DNAH12: variants seen among roughly 807,000 people sequenced by gnomAD.
The protein encoded by DNAH12 is dynein axonemal heavy chain 12, also known as axonemal beta dynein heavy chain 12.
Under a neutral mutation model 371.5 loss-of-function variants are expected in DNAH12, and 285 were observed. The ratio of observed to expected loss-of-function variants is 0.77; its 90% CI spans 0.70 to 0.85. DNAH12 has a LOEUF of 0.85. Among genes scored for constraint, DNAH12 ranks in the 40% least tolerant of loss-of-function variants. DNAH12 has a pLI of 0.00. For synonymous variants in DNAH12, 1,200 were observed against 1,213.0 expected, an observed-to-expected ratio of 0.99 and a Z score of 0.22; for missense variants, 3,611 against 3,689.4, an observed-to-expected ratio of 0.98 and a Z score of 0.55.
intron 45 of DNAH12, among the ~76,000 whole-genome samples, chr3:57,389,822 G>GTGTGTGTGTGTGTA (rs1326306277): frequency 2.2e-5 from 1 of 45,862 alleles, no homozygotes; most frequent in African/African-American, 4.4e-5. Flanking sequence ...GTGTGTGTGT[G>GTGTGTGTGTGTGTA]TATATATATA....
In DNAH12 at chr3:57,504,554, C is replaced by T. The variant is rs138931561; in HGVS notation, c.898-350G>A. Among the ~76,000 whole-genome samples, 669 of 151,646 alleles carry T rather than the reference C, an allele frequency of 4.4e-3. 7 individuals are homozygous for T. Among genetic ancestry groups the T allele is most frequent in the African/African-American group, 0.015 (638 of 41,372 alleles). On this transcript the variant is annotated intron_variant, in intron 8 of 73. Transcript: ENST00000495027. ...GCCTCCTGAGTAGCTGGGACTACGG[C>T]GCGTGCCACCACACCCAGCTAATCA...
intron 30 of DNAH12, among the ~76,000 whole-genome samples, chr3:57,436,169 A>C (rs72869816): frequency 2.0e-5 from 3 of 152,054 alleles, no homozygotes; most frequent in African/African-American, 7.2e-5. Flanking sequence ...TGGCTCTCTA[A>C]GTAAATATAA....
upstream of DNAH12, among the ~76,000 whole-genome samples, chr3:57,548,324 G>A (rs2069594518): frequency 6.6e-6 from 1 of 152,150 alleles, no homozygotes; most frequent in Non-Finnish European, 1.5e-5. Context: ...GATAACCTAA[G>A]GTTAGTTTGA....
chr3:57,504,209 G>A lies in DNAH12; in HGVS notation c.898-5C>T, dbSNP rs759721560. On this transcript the variant is annotated splice_region_variant and splice_polypyrimidine_tract_variant and intron_variant, in intron 8 of 73. Coordinates refer to ENST00000495027, the MANE Select transcript of DNAH12 (RefSeq NM_001366028.2). ...TCTCCTTAATAGATCCTTTAGCTGC[G>A]TGATATAAATCACTGTTACTTTAGA... is the stretch of plus-strand genomic sequence containing the variant. 7.5e-6 allele frequency: 12 copies of A among 1,600,310 alleles called. No homozygotes were observed. Among genetic ancestry groups the A allele is most frequent in the East Asian group, 2.2e-5 (1 of 44,682 alleles).
chr3:57,426,575 A>G (rs1294444322), intron 34 of DNAH12, among the ~76,000 whole-genome samples: 1 of 152,122 alleles, frequency 6.6e-6, no homozygotes, highest in African/African-American at 2.4e-5. Context: ...CATGCCTGTA[A>G]TCCCAGCACT....
chr3:57,327,968 G>T (rs2061991591), intron 62 of DNAH12, among the ~76,000 whole-genome samples: 1 of 151,828 alleles, frequency 6.6e-6, no homozygotes, highest in Non-Finnish European at 1.5e-5. Context: ...TAGAAGAAAT[G>T]GATAAATTCC....
chr3:57,510,662 GA>G (rs920751556), intron 5 of DNAH12, 127 bp downstream of exon 5: 5 of 842,822 alleles, frequency 5.9e-6, no homozygotes, highest in Non-Finnish European at 9.1e-6. Flanking sequence ...AAGAAAAGAA[GA>G]AAAAAACCAG....
chr3:57,388,455 CA>C (rs1409727392), intron 45 of DNAH12, among the ~76,000 whole-genome samples: 2 of 151,136 alleles, frequency 1.3e-5, no homozygotes, highest in Non-Finnish European at 1.5e-5. Context: ...ATTTTAAGAC[CA>C]TTTTTTTTTT....
intron 45 of DNAH12, among the ~76,000 whole-genome samples, chr3:57,391,420 T>C (rs2063620737): frequency 6.6e-6 from 1 of 152,316 alleles, no homozygotes; most frequent in East Asian, 1.9e-4. Flanking sequence ...AGACTGGAAC[T>C]ACATCACTGG....
At chr3:57,490,748 A>G (rs181164925) in intron 11 of DNAH12, among the ~76,000 whole-genome samples, 1 of 152,140 alleles carries the variant, frequency 6.6e-6, no homozygotes, top group African/African-American at 2.4e-5. Flanking sequence ...ATAATAATTA[A>G]TTGATTCAAA....
intron 57 of DNAH12, 29 bp downstream of exon 57, chr3:57,366,700 C>CATCT: frequency 6.6e-6 from 1 of 152,226 alleles, no homozygotes; most frequent in African/African-American, 2.4e-5. Flanking sequence ...CTTTTTAAAC[C>CATCT]ATCTAGAAGC....
chr3:57,294,073 T>C, intron 73 of DNAH12, 102 bp from the exon 74 acceptor site: 2 of 989,336 alleles, frequency 2.0e-6, no homozygotes, highest in South Asian at 2.4e-5. Context: ...GAACTAAATC[T>C]AAGATCATAA....
At chr3:57,542,576 A>C in intron 2 of DNAH12, 125 bp downstream of exon 2, 1 of 1,068,308 alleles carries the variant, frequency 9.4e-7, no homozygotes, top group Non-Finnish European at 1.3e-6. Context: ...TTGTTTTTCT[A>C]ATTAACTTGA....
chr3:57,502,978 C>G (rs1399502239), intron 9 of DNAH12, among the ~76,000 whole-genome samples: 1 of 152,196 alleles, frequency 6.6e-6, no homozygotes, highest in Admixed American at 6.5e-5. Context: ...TTGCGCCTGG[C>G]CTATATGTAG....
intron 62 of DNAH12, among the ~76,000 whole-genome samples, chr3:57,327,015 C>G (rs1198283971): frequency 6.6e-6 from 1 of 151,622 alleles, no homozygotes; most frequent in East Asian, 1.9e-4. Context: ...GCTAACTATC[C>G]TAAATATATA....
At chr3:57,551,046 T>G in the DNAH12 span, among the ~76,000 whole-genome samples, 1 of 150,900 alleles carries the variant, frequency 6.6e-6, no homozygotes, top group African/African-American at 2.4e-5. Flanking sequence ...TTTTGTATTT[T>G]TAGTAGAGAT....
At position 57,408,516 on chromosome 3, in the gene DNAH12, T is replaced by A. The variant is rs1053770088; in HGVS notation, c.6040A>T (p.Ser2014Cys). The A allele has an allele frequency of 5.8e-6, 9 of 1,548,482 alleles. No homozygotes were observed. The African/African-American group carries it at 1.2e-4, about 21-fold the overall frequency. ...CGHWYDLKDT[S>C]KITLVDIELI... ...TCTATGTCCACCAGCGTGATTTTAC[T>A]TGTGTCCTTAAGGTCGTACCTTAGA... The change falls in exon 40 of 74, where the codon AGT (serine) becomes TGT (cysteine). Residue 2014 changes from serine to cysteine, a missense_variant. By Grantham distance (112) the Ser-to-Cys change is moderately radical (BLOSUM62 -1). Coordinates refer to ENST00000495027, the MANE Select transcript of DNAH12 (RefSeq NM_001366028.2).
At chr3:57,435,408 T>C (rs2065090836) in intron 30 of DNAH12, among the ~76,000 whole-genome samples, 1 of 144,330 alleles carries the variant, frequency 6.9e-6, no homozygotes, top group African/African-American at 2.5e-5. Context: ...TAATTCCCAG[T>C]AATCATTTCA....
chr3:57,379,979 T>G (rs1003472011), intron 51 of DNAH12, among the ~76,000 whole-genome samples: 1 of 151,952 alleles, frequency 6.6e-6, no homozygotes, highest in Non-Finnish European at 1.5e-5. Context: ...TTACATAAAT[T>G]TGTGTATCAG....
Sources: allele counts gnomAD v4.1 joint callset (sites outside exome capture counted in the v4.1 genomes callset), GRCh38; gene constraint gnomAD v4.1.1; transcripts MANE v1.5; gene names NCBI Gene and HGNC (gene_info 2026-07-23, HGNC 2026-07-21).